The following NAMPT variants were observed in gnomAD, a reference collection of about 807,000 sequenced individuals.
NAMPT encodes the protein NAmPRTase.
In NAMPT, 7 loss-of-function variants were observed where a neutral mutation model predicts 58.7. That is an observed-to-expected ratio of 0.12 (90% CI 0.07 to 0.22). The LOEUF (loss-of-function observed/expected upper bound fraction) is 0.22, where lower values mean the gene tolerates loss of function less well. Among genes scored for constraint, NAMPT ranks in the 10% least tolerant of loss-of-function variants. NAMPT has a pLI of 1.00. For synonymous variants in NAMPT, 145 were observed against 198.1 expected, an observed-to-expected ratio of 0.73 and a Z score of 2.25; for missense variants, 271 against 567.9, an observed-to-expected ratio of 0.48 and a Z score of 5.31.
chr7:106,284,733 C>A, intron 1 of NAMPT, 95 bp downstream of exon 1: 1 of 661,954 alleles, frequency 1.5e-6, no homozygotes. Flanking sequence ...CCAGCCCCAG[C>A]CCCAACCCCA....
At chr7:106,263,201 A>T (rs1241450273) in intron 7 of NAMPT, 191 bp downstream of exon 7, 3 of 543,544 alleles carry the variant, frequency 5.5e-6, no homozygotes, top group Non-Finnish European at 9.8e-6. Context: ...ACAATCCATA[A>T]GTCTTGGTAT....
upstream of NAMPT, chr7:106,285,076 A>G: frequency 1.5e-6 from 2 of 1,351,608 alleles, no homozygotes; most frequent in Non-Finnish European, 9.6e-7. Context: ...GGCGCGGGTG[A>G]CGGCTGCGGC....
At chr7:106,279,921 C>T (rs1402205228) in intron 1 of NAMPT, among the ~76,000 whole-genome samples, 1 of 151,802 alleles carries the variant, frequency 6.6e-6, no homozygotes, top group Non-Finnish European at 1.5e-5. Context: ...GAACAGAAGG[C>T]AGGCCAATGT....
At chr7:106,261,030 G>C (rs1027374149) in intron 8 of NAMPT, among the ~76,000 whole-genome samples, 3 of 152,222 alleles carry the variant, frequency 2.0e-5, no homozygotes, top group Non-Finnish European at 2.9e-5. Context: ...AGCACCAACA[G>C]ACTTGCTCAA....
chr7:106,276,953 A>T, intron 2 of NAMPT, 70 bp downstream of exon 2: 1 of 1,251,902 alleles, frequency 8.0e-7, no homozygotes, highest in Non-Finnish European at 1.1e-6. Flanking sequence ...TTTGTTAAAA[A>T]TTCTAAAAGA....
chr7:106,255,980 T>A (rs1026405433), intron 8 of NAMPT, among the ~76,000 whole-genome samples: 3 of 152,194 alleles, frequency 2.0e-5, no homozygotes, highest in African/African-American at 7.2e-5. Flanking sequence ...TAATATCATA[T>A]CACTGTATTT....
intron 7 of NAMPT, among the ~76,000 whole-genome samples, chr7:106,262,570 T>C (rs1792325346): frequency 6.6e-6 from 1 of 152,076 alleles, no homozygotes; most frequent in Non-Finnish European, 1.5e-5. Flanking sequence ...AGAAAAGACC[T>C]CCTTAATTCT....
intron 1 of NAMPT, among the ~76,000 whole-genome samples, chr7:106,283,504 T>C (rs577500335): frequency 3.9e-5 from 6 of 152,120 alleles, no homozygotes; most frequent in Non-Finnish European, 5.9e-5. Context: ...AAACTATCAA[T>C]GAGGCTATTC....
intron 10 of NAMPT, among the ~76,000 whole-genome samples, chr7:106,252,254 C>T (rs1374561270): frequency 1.3e-5 from 2 of 151,998 alleles, no homozygotes; most frequent in Non-Finnish European, 1.5e-5. Flanking sequence ...AAGAGTTACA[C>T]AAAGCTTACT....
chr7:106,267,079 CAG>C (rs2115774109), intron 6 of NAMPT, among the ~76,000 whole-genome samples: 1 of 152,308 alleles, frequency 6.6e-6, no homozygotes, highest in South Asian at 2.1e-4. Context: ...AATATTTACT[CAG>C]AGAATGAATA....
chr7:106,271,253 A>C (rs1562817029), intron 4 of NAMPT, among the ~76,000 whole-genome samples: 1 of 152,104 alleles, frequency 6.6e-6, no homozygotes, highest in Non-Finnish European at 1.5e-5. Context: ...TGCAGTCCCC[A>C]TAGGACTATC....
chr7:106,266,244 AAT>A (rs1286922198), intron 6 of NAMPT, among the ~76,000 whole-genome samples: 5 of 152,230 alleles, frequency 3.3e-5, no homozygotes, highest in Admixed American at 6.5e-5. Context: ...AAATGCAATC[AAT>A]ATGAGACCAT....
intron 1 of NAMPT, among the ~76,000 whole-genome samples, chr7:106,278,846 T>C (rs1251129038): frequency 1.3e-5 from 2 of 152,114 alleles, no homozygotes; most frequent in African/African-American, 4.8e-5. Flanking sequence ...ACTTGAAAAA[T>C]GGTGTGGATC....
At position 106,253,345 on chromosome 7, in the gene NAMPT, TAAAGAA is replaced by T. The variant is rs939109129; in HGVS notation, c.1231-200_1231-195del. 3 of 556,184 alleles carry T rather than the reference TAAAGAA, an allele frequency of 5.4e-6. No homozygotes were observed. The African/African-American group carries it at 5.7e-5, about 11-fold the overall frequency. 34.5% of individuals were successfully genotyped at this position (556,184 alleles called of 1,614,324 possible). ...TGTTTTGAAGGATAGTCGTTTGTAA[TAAAGAA>T]AAAGTATGACATCTTGGATATCCTT... On this transcript the variant is annotated intron_variant, in intron 9 of 10. Coordinates refer to ENST00000222553, the MANE Select transcript of NAMPT (RefSeq NM_005746.3).
At chr7:106,252,903 T>C in intron 10 of NAMPT, 114 bp downstream of exon 10, 1 of 1,305,602 alleles carries the variant, frequency 7.7e-7, no homozygotes, top group Non-Finnish European at 1.0e-6. Context: ...CATTTTATAA[T>C]AAAATATAAT....
intron 1 of NAMPT, among the ~76,000 whole-genome samples, chr7:106,282,216 C>T (rs142148412): frequency 4.0e-5 from 6 of 150,708 alleles, no homozygotes; most frequent in Non-Finnish European, 8.9e-5. Context: ...GCAAAATTTT[C>T]TTTTTTTTTG....
At chr7:106,280,847 A>G (rs557504843) in intron 1 of NAMPT, among the ~76,000 whole-genome samples, 1 of 152,096 alleles carries the variant, frequency 6.6e-6, no homozygotes, top group African/African-American at 2.4e-5. Flanking sequence ...AGACTGAGGC[A>G]AGAGAATCGC....
At chr7:106,274,314 TTATC>T (rs935154246) in intron 3 of NAMPT, among the ~76,000 whole-genome samples, 4 of 152,026 alleles carry the variant, frequency 2.6e-5, no homozygotes, top group African/African-American at 9.7e-5. Flanking sequence ...CAAGAATGAA[TTATC>T]TTTCTCAAAA....
chr7:106,264,286 T>C lies in NAMPT; in HGVS notation c.744-669A>G, dbSNP rs546408774. ...ATACTTAGTTTAAGCAAAACATAAT[T>C]AAGATGGAAAATAAAGTATGAGAGT... On this transcript the variant is annotated intron_variant, in intron 6 of 10. Transcript: ENST00000222553. 2.0e-5 allele frequency among the ~76,000 whole-genome samples: 3 copies of C among 152,124 alleles called. No individual in the cohort carries two copies. The East Asian group carries it at 5.8e-4, about 29-fold the overall frequency.
Sources: gnomAD v4.1 joint callset for allele counts (sites outside exome capture counted in the v4.1 genomes callset) on GRCh38, gnomAD v4.1.1 for gene constraint, MANE v1.5 for transcripts, NCBI Gene and HGNC (gene_info 2026-07-23, HGNC 2026-07-21) for gene names.